NUAK1: variants seen among roughly 807,000 people sequenced by gnomAD.
NUAK1 encodes the protein NUAK family SNF1-like kinase 1.
NUAK1 carries 26 observed loss-of-function variants against 56.9 expected under a neutral mutation model. The observed-to-expected ratio is 0.46, with a 90% confidence interval of 0.33 to 0.63. The LOEUF is 0.63. Among genes scored for constraint, NUAK1 ranks in the 30% least tolerant of loss-of-function variants. The pLI is 0.02. For missense variants in NUAK1, 727 were observed against 876.1 expected (o/e 0.83, Z 2.15); for synonymous variants, 337 against 336.0 (o/e 1.00, Z -0.03).
chr12:106,087,046 C>T (rs910798491), intron 2 of NUAK1, 161 bp from the exon 3 acceptor site: 6 of 761,202 alleles, frequency 7.9e-6, no homozygotes, highest in African/African-American at 1.7e-5. Context: ...AGGCGTGGGG[C>T]GTGCTGTCCC....
chr12:106,093,733 C>G (rs1270200507), intron 2 of NUAK1, among the ~76,000 whole-genome samples: 3 of 152,134 alleles, frequency 2.0e-5, no homozygotes, highest in African/African-American at 7.2e-5. Flanking sequence ...CAGGAAGGGT[C>G]AGTTTTTAAA....
chr12:106,082,855 A>G (rs1480614341), intron 4 of NUAK1, among the ~76,000 whole-genome samples: 1 of 152,150 alleles, frequency 6.6e-6, no homozygotes, highest in Non-Finnish European at 1.5e-5. Context: ...AGCAACAACA[A>G]AAAAATCATT....
chr12:106,114,204 A>G (rs1241317207), intron 1 of NUAK1, among the ~76,000 whole-genome samples: 1 of 152,238 alleles, frequency 6.6e-6, no homozygotes, highest in Non-Finnish European at 1.5e-5. Flanking sequence ...GACACTGTTT[A>G]TAACAAGGCT....
intron 1 of NUAK1, among the ~76,000 whole-genome samples, chr12:106,126,700 C>T (rs1192151358): frequency 2.0e-5 from 3 of 152,200 alleles, no homozygotes; most frequent in Non-Finnish European, 4.4e-5. Context: ...ACAGCCCTTC[C>T]CCTGGGGACA....
At chr12:106,137,779 T>A (rs1267978623) in intron 1 of NUAK1, among the ~76,000 whole-genome samples, 1 of 152,216 alleles carries the variant, frequency 6.6e-6, no homozygotes, top group African/African-American at 2.4e-5. Context: ...CCCTGGACAT[T>A]TCGGTCCTCC....
intron 3 of NUAK1, among the ~76,000 whole-genome samples, chr12:106,084,667 C>A (rs572085865): frequency 2.0e-5 from 3 of 151,896 alleles, no homozygotes; most frequent in Non-Finnish European, 4.4e-5. Flanking sequence ...CCAGCTGAAA[C>A]GTGAAAAGCA....
At chr12:106,115,993 T>G (rs2136477013) in intron 1 of NUAK1, among the ~76,000 whole-genome samples, 1 of 152,350 alleles carries the variant, frequency 6.6e-6, no homozygotes, top group East Asian at 1.9e-4. Context: ...TGCATCCATC[T>G]GCTGCAGACA....
Position 106,138,481 on chromosome 12 carries a change from T to C in NUAK1, c.173A>G (p.Gln58Arg), listed in dbSNP as rs774196515. 2 of 1,613,420 alleles carry C rather than the reference T, an allele frequency of 1.2e-6. No individual in the cohort carries two copies. Among genetic ancestry groups the C allele is most frequent in the East Asian group, 2.2e-5 (1 of 44,858 alleles). Reference sequence around the variant, plus strand: ...GTAGGTGCCTTTGCCCAGGGTCTCCTGCAGCTCGTAGCGGTGCTTCAAGTT... The same window carrying C: ...GTAGGTGCCTTTGCCCAGGGTCTCCCGCAGCTCGTAGCGGTGCTTCAAGTT... ...KHNLKHRYEL[Q>R]ETLGKGTYGK... Residue 58 changes from glutamine (Q) to arginine (R), a missense_variant, in exon 1 of 7, where the codon CAG (glutamine) becomes CGG (arginine). Physicochemically the swap from Gln to Arg is conservative, Grantham distance 43. Coordinates refer to ENST00000261402, the MANE Select transcript of NUAK1 (RefSeq NM_014840.3). This position sits in a 1 kb window ranked among gnomAD's most constrained non-coding sequence, Gnocchi z 5.0.
intron 1 of NUAK1, among the ~76,000 whole-genome samples, chr12:106,115,666 G>A (rs192283648): frequency 2.6e-4 from 39 of 152,344 alleles, no homozygotes; most frequent in Non-Finnish European, 5.0e-4. Context: ...TGCTCCACAA[G>A]CCTGCCTGCT....
intron 1 of NUAK1, among the ~76,000 whole-genome samples, chr12:106,135,722 A>G (rs924921444): frequency 3.3e-5 from 5 of 152,244 alleles, no homozygotes; most frequent in African/African-American, 1.2e-4. Context: ...CCCAAAGATC[A>G]AAAGGCTAAA....
chr12:106,087,042 G>T, intron 2 of NUAK1, 157 bp from the exon 3 acceptor site: 1 of 836,978 alleles, frequency 1.2e-6, no homozygotes, highest in Non-Finnish European at 1.8e-6. Flanking sequence ...CACGAGGCGT[G>T]GGGCGTGCTG....
intron 2 of NUAK1, among the ~76,000 whole-genome samples, chr12:106,095,825 C>T (rs2032691227): frequency 6.6e-6 from 1 of 152,164 alleles, no homozygotes; most frequent in African/African-American, 2.4e-5. Flanking sequence ...TGAAGGCAAG[C>T]CTAGCTCTCT....
chr12:106,124,752 G>A (rs1222043075), intron 1 of NUAK1, among the ~76,000 whole-genome samples: 2 of 152,118 alleles, frequency 1.3e-5, no homozygotes, highest in African/African-American at 4.8e-5. Flanking sequence ...GCTCATGACT[G>A]TAACCCCAGC....
intron 1 of NUAK1, among the ~76,000 whole-genome samples, chr12:106,116,978 C>T (rs1201700730): frequency 1.3e-5 from 2 of 152,128 alleles, no homozygotes; most frequent in Non-Finnish European, 2.9e-5. Context: ...CTGGATAAGG[C>T]ATTGATCCAG....
intron 1 of NUAK1, among the ~76,000 whole-genome samples, chr12:106,131,365 C>T (rs968811213): frequency 6.6e-5 from 10 of 152,150 alleles, no homozygotes; most frequent in Non-Finnish European, 1.2e-4. Flanking sequence ...CAACCCCACC[C>T]GCAGGCCCAC....
At chr12:106,106,342 C>CA in intron 2 of NUAK1, 63 bp downstream of exon 2, 1 of 1,446,654 alleles carries the variant, frequency 6.9e-7, no homozygotes, top group Non-Finnish European at 9.4e-7. Context: ...AAAGTCTTGG[C>CA]AGGCCCCATG....
chr12:106,131,618 C>G (rs187366311), intron 1 of NUAK1, among the ~76,000 whole-genome samples: 2 of 152,226 alleles, frequency 1.3e-5, no homozygotes, highest in East Asian at 3.9e-4. Context: ...AATGGATGTG[C>G]CAGCTTTTAT....
rs142856878 is a variant in NUAK1 at position 106,075,318 on chromosome 12, C to CACAG, written c.580-2476_580-2475insCTGT. Among the ~76,000 whole-genome samples the CACAG allele has an allele frequency of 1.5e-3, 225 of 146,842 alleles. 5 individuals carry two copies. In the East Asian group the frequency reaches 0.016, roughly 10 times the overall value. ...ACACACACACACACACACACACACA[C>CACAG]AGAGAGAGAGAGAGAGCGTTCTCAG... On this transcript the variant is annotated intron_variant, in intron 4 of 6. Transcript: ENST00000261402.
chr12:106,106,060 T>C (rs529871256), intron 2 of NUAK1: 3 of 176,734 alleles, frequency 1.7e-5, no homozygotes, highest in South Asian at 3.3e-4. Context: ...ACATTTACAA[T>C]GTATCCACTG....
Sources: allele counts gnomAD v4.1 joint callset (sites outside exome capture counted in the v4.1 genomes callset), GRCh38; gene constraint gnomAD v4.1.1; non-coding constraint Gnocchi (gnomAD v3.1); transcripts MANE v1.5; gene names NCBI Gene and HGNC (gene_info 2026-07-23, HGNC 2026-07-21).